Variants in WNK3 observed in about 807,000 individuals in gnomAD.
WNK3 encodes the protein serine/threonine-protein kinase WNK3.
Under a neutral mutation model 116.7 loss-of-function variants are expected in WNK3, and 18 were observed. The observed-to-expected ratio is 0.15, with a 90% CI of 0.11 to 0.23. WNK3 has a LOEUF of 0.23. WNK3 is among the 10% of genes least tolerant of loss of function. The pLI is 1.00. For missense variants in WNK3, 993 were observed against 1,323.8 expected (o/e 0.75, Z 3.88); for synonymous variants, 404 against 469.4 (o/e 0.86, Z 1.80).
At chrX:54,329,123 C>T (rs1369507149) in intron 2 of WNK3, among the ~76,000 whole-genome samples, 3 of 111,739 alleles carry the variant, frequency 2.7e-5, no homozygotes, top group Non-Finnish European at 5.6e-5. Flanking sequence ...GGTTTGGTCC[C>T]ATATTTCAAG....
intron 6 of WNK3, 64 bp downstream of exon 6, chrX:54,301,707 C>A: frequency 9.8e-7 from 1 of 1,016,795 alleles, no homozygotes; most frequent in Non-Finnish European, 1.4e-6. Flanking sequence ...CAGAAAACGA[C>A]CCAATGCAAG....
exon 2 of WNK3, chrX:54,333,389 T>G (rs1557174697): frequency 7.4e-6 from 9 of 1,211,819 alleles, no homozygotes; most frequent in Non-Finnish European, 1.0e-5. Context: ...TCAACACATT[T>G]GAAGGAAGCT....
intron 2 of WNK3, among the ~76,000 whole-genome samples, chrX:54,321,910 G>A (rs926955845): frequency 9.3e-6 from 1 of 107,758 alleles, no homozygotes; most frequent in Non-Finnish European, 1.9e-5. Flanking sequence ...GCTTGACCCC[G>A]GAGGCAGAGG....
At chrX:54,315,079 C>A (rs2068936855) in intron 2 of WNK3, among the ~76,000 whole-genome samples, 1 of 109,538 alleles carries the variant, frequency 9.1e-6, no homozygotes, top group African/African-American at 3.3e-5. Context: ...GTGAATCGTT[C>A]GAGCTCAGGA....
rs781804781 is a variant in WNK3, at chrX:54,322,876, T to C, written c.537+10261A>G. 1.5e-4 allele frequency among the ~76,000 whole-genome samples: 17 copies of C among 111,292 alleles called. 1 individual carries two copies. In the East Asian group the frequency reaches 4.5e-3, roughly 29 times the overall value. On this transcript the variant is annotated intron_variant, in intron 2 of 23. Coordinates refer to ENST00000354646, the Ensembl canonical transcript of WNK3. ...ACCAAAGTATCTCAACCATAAATTC[T>C]CCTATTGTTGGGTTTCCAGAAACTT... is the stretch of plus-strand genomic sequence containing the variant.
In WNK3 at chrX:54,215,988, C is replaced by T. The variant is rs782292385; in HGVS notation, c.4870+12726G>A. ...TAATCTATAATCTTACCCCCAACCCCGTGCTCTCTGAAACATGTGCTGTGT... is the reference window on the plus strand; with the variant it reads ...TAATCTATAATCTTACCCCCAACCCTGTGCTCTCTGAAACATGTGCTGTGT... On this transcript the variant is annotated intron_variant, in intron 22 of 23. Transcript: ENST00000354646. Among the ~76,000 whole-genome samples the T allele has an allele frequency of 1.6e-4, 18 of 110,873 alleles. No homozygotes were observed. The East Asian group carries it at 4.0e-3, about 24-fold the overall frequency.
At chrX:54,256,563 A>G (rs2068195059) in intron 11 of WNK3, among the ~76,000 whole-genome samples, 2 of 112,350 alleles carry the variant, frequency 1.8e-5, no homozygotes, top group Admixed American at 9.5e-5. Context: ...AAACTCAAAC[A>G]TATTTCAACA....
intron 10 of WNK3, among the ~76,000 whole-genome samples, chrX:54,277,433 G>A (rs2068462768): frequency 9.2e-6 from 1 of 108,748 alleles, no homozygotes; most frequent in South Asian, 4.1e-4. Flanking sequence ...CGCCTCCTGG[G>A]TTCAAGGGAT....
chrX:54,204,264 G>A (rs782309475), intron 22 of WNK3, among the ~76,000 whole-genome samples: 21 of 110,065 alleles, frequency 1.9e-4, no homozygotes, highest in Non-Finnish European at 3.2e-4. Context: ...GAATCAAGGC[G>A]CACACCACCA....
intron 1 of WNK3, among the ~76,000 whole-genome samples, chrX:54,341,687 C>T (rs781871331): frequency 3.6e-5 from 4 of 111,201 alleles, no homozygotes; most frequent in Non-Finnish European, 3.8e-5. Context: ...AAGCGAAAGA[C>T]GTCAGAGGAA....
Position 54,346,019 on chromosome X carries a change from A to G in WNK3, c.-120+11667T>C, listed in dbSNP as rs1407250775. Among the ~76,000 whole-genome samples, 3 of 108,157 alleles carry G rather than the reference A, an allele frequency of 2.8e-5. No homozygotes were observed. The East Asian group carries it at 8.6e-4, about 31-fold the overall frequency. The allele number at this position is 108,157 out of a possible 115,157, so 93.9% of individuals were successfully genotyped here. On this transcript the variant is annotated intron_variant, in intron 1 of 23. Coordinates refer to ENST00000354646, the Ensembl canonical transcript of WNK3. ...CCCAATATAAATATATAATTACAAAAACTTTCACTTAAACCTTTGTGTTTT... is the reference window on the plus strand; with the variant it reads ...CCCAATATAAATATATAATTACAAAGACTTTCACTTAAACCTTTGTGTTTT...
intron 13 of WNK3, among the ~76,000 whole-genome samples, chrX:54,253,549 G>A (rs1371176896): frequency 4.5e-5 from 5 of 111,130 alleles, no homozygotes; most frequent in Non-Finnish European, 9.4e-5. Flanking sequence ...TTACAGGCAT[G>A]AGCCACTGTG....
intron 11 of WNK3, among the ~76,000 whole-genome samples, chrX:54,258,928 A>G (rs782776932): frequency 1.8e-4 from 20 of 110,466 alleles, no homozygotes; most frequent in Admixed American, 2.9e-4. Context: ...CAAGTACTAA[A>G]TAATAATACA....
rs1273343845 is a variant in WNK3 at position 54,250,859 on chromosome X, G to T, written c.2575+540C>A. 3.6e-5 allele frequency among the ~76,000 whole-genome samples: 4 copies of T among 110,864 alleles called. No homozygotes were observed. In the East Asian group the frequency reaches 1.1e-3, roughly 31 times the overall value. On this transcript the variant is annotated intron_variant, in intron 15 of 23. Transcript: ENST00000354646. ...CTTTAATATACCCATGACCAGAACTGAGAAGAATGGAAAGATAAAGTCATC... is the reference window on the plus strand; with the variant it reads ...CTTTAATATACCCATGACCAGAACTTAGAAGAATGGAAAGATAAAGTCATC...
intron 10 of WNK3, among the ~76,000 whole-genome samples, chrX:54,282,590 C>T (rs2068529896): frequency 9.0e-6 from 1 of 111,584 alleles, no homozygotes; most frequent in African/African-American, 3.3e-5. Flanking sequence ...AAGCTGATCC[C>T]AAAATTCATG....
chrX:54,321,995 AAAAG>A, intron 2 of WNK3, among the ~76,000 whole-genome samples: 1 of 110,130 alleles, frequency 9.1e-6, no homozygotes, highest in Middle Eastern at 4.7e-3. Context: ...AAAAAAAAAA[AAAAG>A]AAAGAAAAAA....
chrX:54,202,735 T>C (rs1342864328), intron 22 of WNK3, among the ~76,000 whole-genome samples: 2 of 109,780 alleles, frequency 1.8e-5, no homozygotes, highest in African/African-American at 6.6e-5. Flanking sequence ...GCAAATTATA[T>C]GGTTACCTTA....
intron 2 of WNK3, among the ~76,000 whole-genome samples, chrX:54,316,490 A>C (rs989215166): frequency 1.9e-5 from 2 of 103,507 alleles, no homozygotes; most frequent in African/African-American, 7.1e-5. Flanking sequence ...CAGTGAGCTG[A>C]GATCACGCCA....
chrX:54,238,448 G>A, exon 19 of WNK3: 1 of 1,209,109 alleles, frequency 8.3e-7, no homozygotes, highest in Non-Finnish European at 1.1e-6. Context: ...AGGAGCAATT[G>A]CTGATCTCAT....
Sources: gnomAD v4.1 joint callset for allele counts (sites outside exome capture counted in the v4.1 genomes callset) on GRCh38, gnomAD v4.1.1 for gene constraint, MANE v1.5 for transcripts, NCBI Gene and HGNC (gene_info 2026-07-23, HGNC 2026-07-21) for gene names.